Variants in ARHGEF26 observed in about 807,000 individuals in gnomAD.
The protein encoded by ARHGEF26 is Rho guanine nucleotide exchange factor (GEF) 26.
A neutral mutation model predicts 89.4 loss-of-function variants in ARHGEF26; 59 were observed. The ratio of observed to expected loss-of-function variants is 0.66; its 90% CI spans 0.54 to 0.82. The LOEUF is 0.82. ARHGEF26 is among the 40% of genes least tolerant of loss of function. The pLI, the probability that ARHGEF26 is intolerant of heterozygous loss-of-function variation, is 0.00. For missense variants in ARHGEF26, 1,234 were observed against 1,085.6 expected, an observed-to-expected ratio of 1.14 and a Z score of -1.92; for synonymous variants, 500 against 428.4, an observed-to-expected ratio of 1.17 and a Z score of -2.06.
intron 12 of ARHGEF26, among the ~76,000 whole-genome samples, chr3:154,245,502 TC>T (rs1717751749): frequency 6.6e-6 from 1 of 152,236 alleles, no homozygotes; most frequent in Admixed American, 6.5e-5. Context: ...TTTTCATACT[TC>T]CTGGAATGCC....
chr3:154,163,369 C>G lies in ARHGEF26; in HGVS notation c.1487+10437C>G, dbSNP rs371572365. On this transcript the variant is annotated intron_variant, in intron 6 of 14. Transcript: ENST00000465093. ...AGGAGACTGAGGCCCAAATTAGTTA[C>G]GTGGATTTGTTTAAAGTCATTCACC... Among the ~76,000 whole-genome samples the G allele has an allele frequency of 3.9e-5, 6 of 152,220 alleles. No homozygotes were observed. In the East Asian group the frequency reaches 5.8e-4, roughly 15 times the overall value.
At chr3:154,178,840 CTT>C (rs1712998877) in intron 6 of ARHGEF26, among the ~76,000 whole-genome samples, 3 of 152,124 alleles carry the variant, frequency 2.0e-5, no homozygotes, top group Admixed American at 2.0e-4. Context: ...CAGCTGGCCT[CTT>C]TACCACCTTT....
At chr3:154,160,303 T>C (rs1396546130) in intron 6 of ARHGEF26, among the ~76,000 whole-genome samples, 1 of 152,158 alleles carries the variant, frequency 6.6e-6, no homozygotes, top group Non-Finnish European at 1.5e-5. Context: ...GGTAGTTGTT[T>C]AGGTATTATT....
chr3:154,198,000 A>C (rs898200985), intron 9 of ARHGEF26, among the ~76,000 whole-genome samples: 2 of 152,156 alleles, frequency 1.3e-5, no homozygotes, highest in African/African-American at 4.8e-5. Flanking sequence ...AGTTGGAGAT[A>C]GTGTTACATT....
chr3:154,179,429 G>A (rs1167093242), intron 6 of ARHGEF26, among the ~76,000 whole-genome samples: 5 of 152,202 alleles, frequency 3.3e-5, no homozygotes, highest in Non-Finnish European at 7.3e-5. Flanking sequence ...CTGCTGGAAA[G>A]GAAGGTGGTT....
intron 11 of ARHGEF26, 107 bp downstream of exon 11, chr3:154,226,117 A>ATG: frequency 9.8e-7 from 1 of 1,022,514 alleles, no homozygotes; most frequent in Non-Finnish European, 1.4e-6. Flanking sequence ...TGTTGGAAGT[A>ATG]TAGTTTCTAC....
At chr3:154,145,713 C>A (rs1370943487) in intron 4 of ARHGEF26, among the ~76,000 whole-genome samples, 2 of 152,144 alleles carry the variant, frequency 1.3e-5, no homozygotes, top group Non-Finnish European at 2.9e-5. Flanking sequence ...CTGTTTACTT[C>A]ACAGAAAATG....
intron 6 of ARHGEF26, among the ~76,000 whole-genome samples, chr3:154,171,043 G>A (rs1357925007): frequency 1.3e-5 from 2 of 152,192 alleles, no homozygotes; most frequent in African/African-American, 2.4e-5. Flanking sequence ...AACAGGTTGA[G>A]TATTCACATG....
chr3:154,148,567 A>AT (rs1719825998), intron 4 of ARHGEF26, among the ~76,000 whole-genome samples: 1 of 151,984 alleles, frequency 6.6e-6, no homozygotes, highest in East Asian at 1.9e-4. Flanking sequence ...TCTCCTTAAG[A>AT]TTTTTTGGGT....
In ARHGEF26 at chr3:154,122,497, C is replaced by G; in HGVS notation, c.505C>G (p.Pro169Ala). 6.2e-7 allele frequency: 1 copy of G among 1,613,100 alleles called. No individual in the cohort carries two copies. Among genetic ancestry groups the G allele is most frequent in the South Asian group, 1.1e-5 (1 of 91,062 alleles). Residue 169 changes from proline to alanine, a missense_variant, in exon 2 of 15, where the codon CCG (proline) becomes GCG (alanine). Coordinates refer to ENST00000465093, the MANE Select transcript of ARHGEF26 (RefSeq NM_015595.4). ...EEDLTGLTAS[P>A]VPSPTANGLA... is the part of the protein sequence containing the mutation. ...GGACCTTACTGGGTTGACTGCCAGC[C>G]CGGTGCCTTCGCCCACTGCAAATGG...
chr3:154,196,864 G>A (rs1262438128), intron 9 of ARHGEF26, among the ~76,000 whole-genome samples: 1 of 151,230 alleles, frequency 6.6e-6, no homozygotes, highest in Non-Finnish European at 1.5e-5. Context: ...GACAAATTTT[G>A]CCTGGTTGTT....
intron 2 of ARHGEF26, 31 bp from the exon 3 acceptor site, chr3:154,124,379 T>G: frequency 7.2e-7 from 1 of 1,390,712 alleles, no homozygotes; most frequent in Non-Finnish European, 9.5e-7. Flanking sequence ...TTCCTTTTTT[T>G]TTTTTTTTTT....
At chr3:154,194,243 C>T (rs1457613186) in intron 8 of ARHGEF26, among the ~76,000 whole-genome samples, 2 of 152,152 alleles carry the variant, frequency 1.3e-5, no homozygotes, top group Non-Finnish European at 2.9e-5. Context: ...ATGCCAGGCA[C>T]TAATAAAGAA....
intron 4 of ARHGEF26, among the ~76,000 whole-genome samples, chr3:154,142,099 G>A (rs931458066): frequency 9.2e-5 from 14 of 152,178 alleles, no homozygotes; most frequent in African/African-American, 3.4e-4. Context: ...ACAGAAAGCA[G>A]TGAAGTGAAG....
intron 9 of ARHGEF26, among the ~76,000 whole-genome samples, chr3:154,205,905 GTAGGGGTAGTTTACACACCA>G (rs1182133547): frequency 6.6e-6 from 1 of 152,046 alleles, no homozygotes; most frequent in Non-Finnish European, 1.5e-5. Flanking sequence ...TCTACTTAGG[GTAGGGGTAGTTTACACACCA>G]TAGTTACAGT....
At chr3:154,229,477 A>G (rs916028992) in intron 11 of ARHGEF26, among the ~76,000 whole-genome samples, 1 of 152,198 alleles carries the variant, frequency 6.6e-6, no homozygotes, top group Non-Finnish European at 1.5e-5. Context: ...ATTACTCTGG[A>G]TGAGGGATGA....
chr3:154,246,314 T>C (rs1252168636), intron 12 of ARHGEF26, among the ~76,000 whole-genome samples: 1 of 152,012 alleles, frequency 6.6e-6, no homozygotes, highest in Non-Finnish European at 1.5e-5. Flanking sequence ...GGCTTGAACA[T>C]GGAGAATGTG....
intron 7 of ARHGEF26, among the ~76,000 whole-genome samples, chr3:154,188,776 G>A (rs1370884424): frequency 6.6e-6 from 1 of 152,172 alleles, no homozygotes; most frequent in Non-Finnish European, 1.5e-5. Context: ...CCTCTAAGCT[G>A]ATGAGAAGGG....
intron 6 of ARHGEF26, among the ~76,000 whole-genome samples, chr3:154,156,378 C>CT (rs1466219705): frequency 6.6e-6 from 1 of 151,940 alleles, no homozygotes; most frequent in African/African-American, 2.4e-5. Flanking sequence ...ACATTTTTGT[C>CT]TATTTTTTAT....
Sources: allele counts gnomAD v4.1 joint callset (sites outside exome capture counted in the v4.1 genomes callset), GRCh38; gene constraint gnomAD v4.1.1; transcripts MANE v1.5; gene names NCBI Gene and HGNC (gene_info 2026-07-23, HGNC 2026-07-21).